Variants in PDE8B observed in about 807,000 individuals in gnomAD.
The protein encoded by PDE8B is high affinity cAMP-specific and IBMX-insensitive 3',5'-cyclic phosphodiesterase 8B.
A neutral mutation model predicts 101.3 loss-of-function variants in PDE8B; 26 were observed. That is an observed-to-expected ratio of 0.26 (90% CI 0.19 to 0.36). The LOEUF (loss-of-function observed/expected upper bound fraction) is 0.36, where lower values mean the gene tolerates loss of function less well. Ranked by LOEUF, PDE8B falls within the 10% of genes least tolerant of loss-of-function variation. The pLI is 1.00. For missense variants in PDE8B, 810 were observed against 1,163.1 expected, an observed-to-expected ratio of 0.70 and a Z score of 4.42; for synonymous variants, 424 against 429.3, an observed-to-expected ratio of 0.99 and a Z score of 0.15.
intron 1 of PDE8B, among the ~76,000 whole-genome samples, chr5:77,273,830 A>AT (rs957949534): frequency 2.1e-4 from 32 of 148,936 alleles, no homozygotes; most frequent in Middle Eastern, 3.4e-3. Flanking sequence ...TTTATTTTTT[A>AT]TTTTTTTTTG....
chr5:77,409,493 CTTTA>C (rs1383343708), intron 14 of PDE8B, among the ~76,000 whole-genome samples: 1 of 151,860 alleles, frequency 6.6e-6, no homozygotes, highest in Non-Finnish European at 1.5e-5. Context: ...CTATAGAATC[CTTTA>C]TTTAAAGTTT....
At chr5:77,366,261 A>G (rs901592344) in intron 10 of PDE8B, among the ~76,000 whole-genome samples, 1 of 152,172 alleles carries the variant, frequency 6.6e-6, no homozygotes, top group African/African-American at 2.4e-5. Context: ...TCAATAGATC[A>G]TCGTCCCTGC....
At chr5:77,362,387 G>A (rs866555605) in intron 10 of PDE8B, among the ~76,000 whole-genome samples, 15 of 152,112 alleles carry the variant, frequency 9.9e-5, no homozygotes, top group African/African-American at 3.4e-4. Flanking sequence ...GTTCACTATC[G>A]TGTTAGTAAT....
intron 10 of PDE8B, among the ~76,000 whole-genome samples, chr5:77,353,716 A>C (rs1781572406): frequency 6.6e-6 from 1 of 152,194 alleles, no homozygotes; most frequent in Admixed American, 6.5e-5. Context: ...TTAATTTCTT[A>C]ATCAGTTGGA....
intron 11 of PDE8B, 96 bp from the exon 12 acceptor site, chr5:77,404,624 T>A: frequency 1.3e-6 from 1 of 780,604 alleles, no homozygotes; most frequent in Non-Finnish European, 2.3e-6. Flanking sequence ...AAAGTAACCT[T>A]GTTTTCTTTA....
chr5:77,098,226 C>G, the PDE8B span, among the ~76,000 whole-genome samples: 1 of 151,848 alleles, frequency 6.6e-6, no homozygotes, highest in Non-Finnish European at 1.5e-5. Context: ...AACCCATTCC[C>G]ACATGGTGAA....
intron 1 of PDE8B, among the ~76,000 whole-genome samples, chr5:77,260,582 A>ATTTTTT (rs34008487): frequency 4.5e-4 from 52 of 114,924 alleles, no homozygotes; most frequent in African/African-American, 6.8e-4. Context: ...ACTGTGGCTC[A>ATTTTTT]TTTTTTTTTT....
At chr5:77,304,561 A>T (rs1423732800) in intron 1 of PDE8B, among the ~76,000 whole-genome samples, 2 of 152,128 alleles carry the variant, frequency 1.3e-5, no homozygotes, top group Non-Finnish European at 2.9e-5. Context: ...CAAAGTGATT[A>T]ATCTTTTATT....
rs1399975420 is a variant in PDE8B at position 77,230,030 on chromosome 5, C to T, written c.339+18766C>T. ...CCACTAAACTGTTCTCCGAAGTGGC[C>T]GTACCAGTTTCTCTTCCCGCCAGCA... On this transcript the variant is annotated intron_variant, in intron 1 of 21. Transcript: ENST00000264917. Among the ~76,000 whole-genome samples, 13 of 152,276 alleles carry T rather than the reference C, an allele frequency of 8.5e-5. No individual in the cohort carries two copies. The East Asian group carries it at 1.7e-3, about 20-fold the overall frequency.
intron 20 of PDE8B, among the ~76,000 whole-genome samples, chr5:77,423,062 CTG>C (rs1477633837): frequency 6.6e-6 from 1 of 152,200 alleles, no homozygotes; most frequent in East Asian, 1.9e-4. Flanking sequence ...GTTTCTGCCA[CTG>C]TGTGTACCCA....
In PDE8B at chr5:77,427,547, G is replaced by C. The variant is rs1309262756; in HGVS notation, c.*993G>C. 1 of 152,146 alleles carries C rather than the reference G, an allele frequency of 6.6e-6. No individual in the cohort carries two copies. Among genetic ancestry groups the C allele is most frequent in the Non-Finnish European group, 1.5e-5 (1 of 68,030 alleles). The allele number at this position is 152,146 out of a possible 1,614,324, so 9.4% of individuals were successfully genotyped here. A position where few individuals can be genotyped will look rare whatever the true frequency, so the allele number is the denominator to read the frequency against. ...GGGATAGGGGAAGTTTCAAGGTTCA[G>C]ATATTTTTAACCAGTCTATATTTGA... On this transcript the variant is annotated 3_prime_UTR_variant, in exon 22 of 22. Transcript: ENST00000264917.
At chr5:77,379,668 G>A (rs914856236) in intron 10 of PDE8B, among the ~76,000 whole-genome samples, 5 of 152,200 alleles carry the variant, frequency 3.3e-5, no homozygotes, top group Middle Eastern at 3.2e-3. Flanking sequence ...GTTGCAAGAG[G>A]TGTTTTGTTC....
At chr5:77,094,331 AG>A in the PDE8B span, among the ~76,000 whole-genome samples, 1 of 151,928 alleles carries the variant, frequency 6.6e-6, no homozygotes, top group Non-Finnish European at 1.5e-5. Context: ...TTTTTTTGAG[AG>A]GGAGTCTCAC....
intron 10 of PDE8B, among the ~76,000 whole-genome samples, chr5:77,391,948 A>G (rs185085835): frequency 2.6e-5 from 4 of 152,370 alleles, no homozygotes; most frequent in Admixed American, 2.6e-4. Flanking sequence ...ATTTGGTATC[A>G]TATAAAAAAT....
intron 10 of PDE8B, among the ~76,000 whole-genome samples, chr5:77,374,373 T>A (rs182311114): frequency 6.6e-6 from 1 of 152,224 alleles, no homozygotes; most frequent in African/African-American, 2.4e-5. Context: ...AATGTAATTA[T>A]TGATATGGTT....
intron 18 of PDE8B, among the ~76,000 whole-genome samples, chr5:77,418,763 AATGTATCC>A (rs770432953): frequency 2.0e-4 from 30 of 152,174 alleles, no homozygotes; most frequent in Non-Finnish European, 3.8e-4. Flanking sequence ...ACTCGAGGAA[AATGTATCC>A]ACCCCCATTT....
At chr5:77,150,471 A>AATGATCTGCACCCAAGTCCTTGTCTC in the PDE8B span, among the ~76,000 whole-genome samples, 1 of 152,110 alleles carries the variant, frequency 6.6e-6, no homozygotes, top group Non-Finnish European at 1.5e-5. Context: ...CTTCCCTCTA[A>AATGATCTGCACCCAAGTCCTTGTCTC]ATGATCTGCA....
the PDE8B span, among the ~76,000 whole-genome samples, chr5:77,153,680 T>G: frequency 3.3e-5 from 5 of 151,728 alleles, no homozygotes; most frequent in African/African-American, 9.7e-5. Flanking sequence ...ATTCAAGTGA[T>G]TCTCCTGCCT....
chr5:77,252,224 C>T (rs1186030573), intron 1 of PDE8B, among the ~76,000 whole-genome samples: 3 of 152,190 alleles, frequency 2.0e-5, no homozygotes, highest in Admixed American at 6.5e-5. Flanking sequence ...AGAGTTGTAG[C>T]CTTTGGGGCA....
Sources: allele counts gnomAD v4.1 joint callset (sites outside exome capture counted in the v4.1 genomes callset), GRCh38; gene constraint gnomAD v4.1.1; transcripts MANE v1.5; gene names NCBI Gene and HGNC (gene_info 2026-07-23, HGNC 2026-07-21).